CAPRIN1: variants seen among roughly 807,000 people sequenced by gnomAD.
CAPRIN1 encodes the protein caprin-1.
CAPRIN1 carries 29 observed loss-of-function variants against 100.9 expected under a neutral mutation model. The observed-to-expected ratio is 0.29, with a 90% CI of 0.21 to 0.39. The LOEUF (loss-of-function observed/expected upper bound fraction) is 0.39, where lower values mean the gene tolerates loss of function less well. CAPRIN1 is among the 10% of genes least tolerant of loss of function. The pLI is 1.00. For synonymous variants in CAPRIN1, 338 were observed against 307.5 expected (o/e 1.10, Z -1.04); for missense variants, 795 against 876.7 (o/e 0.91, Z 1.18).
intron 1 of CAPRIN1, 103 bp from the exon 2 acceptor site, chr11:34,052,318 C>G (rs553397056): frequency 3.0e-6 from 3 of 996,628 alleles, no homozygotes; most frequent in Admixed American, 2.5e-5. Context: ...GCGTAGGCTA[C>G]CGCTCGCTGC....
chr11:34,098,466 T>C (rs893706476), intron 18 of CAPRIN1: 1 of 984,584 alleles, frequency 1.0e-6, no homozygotes, highest in Non-Finnish European at 1.2e-6. Flanking sequence ...TTTCATGTAG[T>C]CTGAAATTCT....
Position 34,089,398 on chromosome 11 carries a change from A to G in CAPRIN1, c.1235A>G (p.His412Arg). 1 of 1,603,650 alleles carries G rather than the reference A, an allele frequency of 6.2e-7. No individual in the cohort carries two copies. The highest frequency in any genetic ancestry group is 1.3e-5 in the African/African-American group (1 of 74,364). The change falls in exon 12 of 19, where the codon CAT becomes CGT. Residue 412 changes from histidine (H) to arginine (R), a missense_variant. Around this residue, in one of 3 missense-constraint regions of CAPRIN1, gnomAD observed 648 missense variants for 697.9 expected, o/e 0.93. Transcript: ENST00000341394. The part of the protein sequence containing the change: ...DMPQLVCPPV[H>R]SESRLAQPNQ... The stretch of plus-strand genomic sequence containing the variant: ...AATGTTTTGGTCACCTTTGCAGTTC[A>G]TTCTGAATCTAGACTTGCTCAGCCT...
intron 2 of CAPRIN1, among the ~76,000 whole-genome samples, chr11:34,068,878 C>T (rs987323698): frequency 6.6e-6 from 1 of 152,122 alleles, no homozygotes; most frequent in Admixed American, 6.5e-5. Context: ...GATATACAAA[C>T]TCTACCCCAT....
chr11:34,076,354 A>G lies in CAPRIN1; in HGVS notation c.485A>G (p.Asp162Gly). The stretch of plus-strand genomic sequence containing the variant: ...TATGTTTTGGACAAATTGGGAGATG[A>G]TGAAGTGCGGACTGACCTGAAACAA... ...LQYVLDKLGD[D>G]EVRTDLKQGL... The change falls in exon 5 of 19, where the codon GAT becomes GGT. Residue 162 changes from aspartate (D) to glycine (G), a missense_variant. Around this residue, in one of 3 missense-constraint regions of CAPRIN1, gnomAD observed 648 missense variants for 697.9 expected, o/e 0.93. Coordinates refer to ENST00000341394, the MANE Select transcript of CAPRIN1 (RefSeq NM_005898.5). The G allele has an allele frequency of 1.9e-6, 3 of 1,614,236 alleles. No individual in the cohort carries two copies. Among genetic ancestry groups the G allele is most frequent in the Non-Finnish European group, 8.5e-7 (1 of 1,180,020 alleles).
Position 34,099,299 on chromosome 11 carries a change from C to G in CAPRIN1, c.2066-4C>G. ...AAAAATCAAATGCCATTTTTGTCTT[C>G]TAGGTCGTGGAGGGCCCCCAAGACC... On this transcript the variant is annotated splice_polypyrimidine_tract_variant and splice_region_variant and intron_variant, in intron 18 of 18. Transcript: ENST00000341394. The G allele has an allele frequency of 1.2e-6, 2 of 1,613,520 alleles. No homozygotes were observed. The highest frequency in any genetic ancestry group is 1.7e-6 in the Non-Finnish European group (2 of 1,179,496).
intron 18 of CAPRIN1, 185 bp from the exon 19 acceptor site, chr11:34,099,118 A>G (rs1337766270): frequency 8.4e-6 from 12 of 1,434,636 alleles, no homozygotes; most frequent in African/African-American, 5.7e-5. Flanking sequence ...CTAAGAGAAC[A>G]TGAGCAAATT....
chr11:34,067,001 C>T (rs902136337), intron 2 of CAPRIN1, among the ~76,000 whole-genome samples: 5 of 150,702 alleles, frequency 3.3e-5, no homozygotes, highest in Admixed American at 6.6e-5. Flanking sequence ...ACAATCTCGA[C>T]TCAGTGTAGT....
At chr11:34,082,434 C>T (rs991586805) in intron 7 of CAPRIN1, among the ~76,000 whole-genome samples, 1 of 152,194 alleles carries the variant, frequency 6.6e-6, no homozygotes, top group Admixed American at 6.5e-5. Flanking sequence ...GGTGATCCAC[C>T]TGTCTTGGCC....
At chr11:34,096,380 A>G in intron 15 of CAPRIN1, 99 bp from the exon 16 acceptor site, 1 of 762,172 alleles carries the variant, frequency 1.3e-6, no homozygotes, top group Non-Finnish European at 2.1e-6. Flanking sequence ...TTAAACTTTA[A>G]GGAGACTGTA....
At position 34,052,351 on chromosome 11, in the gene CAPRIN1, C is replaced by T. The variant is rs1590713265; in HGVS notation, c.1-70C>T. 10 of 1,263,852 alleles carry T rather than the reference C, an allele frequency of 7.9e-6. No homozygotes were observed. In the East Asian group the frequency reaches 2.4e-4, roughly 30 times the overall value. The allele number at this position is 1,263,852 out of a possible 1,614,324, so 78.3% of individuals were successfully genotyped here. On this transcript the variant is annotated intron_variant, in intron 1 of 18. Coordinates refer to ENST00000341394, the MANE Select transcript of CAPRIN1 (RefSeq NM_005898.5). ...TGCGCGTTTTGTCCCGCGTCTCGCC[C>T]CGTCCGTCTCCTGACTGGCCGCTCT...
At chr11:34,069,600 G>C (rs934478711) in intron 2 of CAPRIN1, among the ~76,000 whole-genome samples, 1 of 151,982 alleles carries the variant, frequency 6.6e-6, no homozygotes, top group Non-Finnish European at 1.5e-5. Flanking sequence ...TATTTTGTGA[G>C]GTAATTGGAC....
chr11:34,055,775 T>G (rs1850436857), intron 2 of CAPRIN1: 1 of 152,204 alleles, frequency 6.6e-6, no homozygotes, highest in Non-Finnish European at 1.5e-5. Flanking sequence ...GTGTTTTAAG[T>G]GGTAGATAGC....
At chr11:34,062,351 C>T (rs984582256) in intron 2 of CAPRIN1, among the ~76,000 whole-genome samples, 87 of 152,064 alleles carry the variant, frequency 5.7e-4, no homozygotes, top group African/African-American at 2.0e-3. Context: ...TTGGACCGGG[C>T]GCGGTGGCTC....
chr11:34,080,441 A>G (rs1162439044), intron 7 of CAPRIN1, among the ~76,000 whole-genome samples: 1 of 152,166 alleles, frequency 6.6e-6, no homozygotes, highest in African/African-American at 2.4e-5. Flanking sequence ...GCTATTTACT[A>G]TGCCAGTGCA....
chr11:34,101,475 A>G lies in CAPRIN1; in HGVS notation c.*2108A>G, dbSNP rs1851453305. ...CCTCTGAATCAGTTTCAGAGAAGGG[A>G]TGGGGGAGAAAATGCCTTCTAGGTT... On this transcript the variant is annotated 3_prime_UTR_variant, in exon 19 of 19. Coordinates refer to ENST00000341394, the MANE Select transcript of CAPRIN1 (RefSeq NM_005898.5). Among the ~76,000 whole-genome samples the G allele has an allele frequency of 6.6e-6, 1 of 152,212 alleles. No homozygotes were observed. Among genetic ancestry groups the G allele is most frequent in the African/African-American group, 2.4e-5 (1 of 41,464 alleles).
intron 18 of CAPRIN1, 181 bp downstream of exon 18, chr11:34,097,942 A>G: frequency 7.3e-7 from 1 of 1,362,590 alleles, no homozygotes. Context: ...TTTTTGAATG[A>G]TTTAATTTTC....
Position 34,052,411 on chromosome 11 carries a change from C to G in CAPRIN1, c.1-10C>G. On this transcript the variant is annotated splice_polypyrimidine_tract_variant and intron_variant, in intron 1 of 18. Coordinates refer to ENST00000341394, the MANE Select transcript of CAPRIN1 (RefSeq NM_005898.5). ...TCCCGCTTTTTCTTCTCTCTCCTTG[C>G]GGTCTGAAGATGCCCTCGGCCACCA... The G allele has an allele frequency of 6.2e-7, 1 of 1,602,510 alleles. No individual in the cohort carries two copies. The highest frequency in any genetic ancestry group is 1.1e-5 in the South Asian group (1 of 90,632).
At chr11:34,057,793 A>G (rs1292658550) in intron 2 of CAPRIN1, among the ~76,000 whole-genome samples, 3 of 152,112 alleles carry the variant, frequency 2.0e-5, no homozygotes, top group African/African-American at 7.2e-5. Context: ...ACCTCGGCTC[A>G]CTACAACCTC....
chr11:34,067,665 A>G (rs1850725945), intron 2 of CAPRIN1, among the ~76,000 whole-genome samples: 1 of 151,958 alleles, frequency 6.6e-6, no homozygotes, highest in Non-Finnish European at 1.5e-5. Context: ...CGCCTCGGTA[A>G]TTTTTAAATT....
Sources: allele counts gnomAD v4.1 joint callset (sites outside exome capture counted in the v4.1 genomes callset), GRCh38; gene constraint gnomAD v4.1.1; regional missense constraint gnomAD v4.1.1; transcripts MANE v1.5; gene names NCBI Gene and HGNC (gene_info 2026-07-23, HGNC 2026-07-21).